CAGE1: variants seen among roughly 807,000 people sequenced by gnomAD.
CAGE1 encodes the protein cancer-associated gene 1 protein.
Under a neutral mutation model 94.9 loss-of-function variants are expected in CAGE1, and 66 were observed. That is an observed-to-expected ratio of 0.70 (90% CI 0.57 to 0.85). The LOEUF (loss-of-function observed/expected upper bound fraction) is 0.85, where lower values mean the gene tolerates loss of function less well. Among genes scored for constraint, CAGE1 ranks in the 40% least tolerant of loss-of-function variants. CAGE1 has a pLI of 0.00. For synonymous variants in CAGE1, 319 were observed against 321.0 expected (o/e 0.99, Z 0.07); for missense variants, 865 against 950.4 (o/e 0.91, Z 1.18).
chr6:7,354,577 A>G (rs905349756), intron 11 of CAGE1, among the ~76,000 whole-genome samples: 1 of 152,226 alleles, frequency 6.6e-6, no homozygotes, highest in Admixed American at 6.5e-5. Context: ...AGAAACAAGT[A>G]TAATGAATAA....
intron 11 of CAGE1, among the ~76,000 whole-genome samples, chr6:7,338,230 C>T (rs2764101): frequency 0.3 from 46,045 of 151,976 alleles, 7,583 homozygotes; most frequent in African/African-American, 0.42. Context: ...TGCATTTTTG[C>T]TTCATGTCCA....
intron 11 of CAGE1, among the ~76,000 whole-genome samples, chr6:7,345,937 A>G (rs910177167): frequency 6.6e-6 from 1 of 152,136 alleles, no homozygotes; most frequent in African/African-American, 2.4e-5. Context: ...AAAAAGAAAA[A>G]TTACAGTATA....
chr6:7,365,426 G>A (rs748334719), intron 9 of CAGE1, 42 bp downstream of exon 9: 3 of 1,485,912 alleles, frequency 2.0e-6, no homozygotes, highest in East Asian at 2.3e-5. Context: ...AAATAATGTT[G>A]TGTATAAAAA....
chr6:7,341,710 T>C (rs1009736870), intron 11 of CAGE1: 3 of 703,244 alleles, frequency 4.3e-6, no homozygotes, highest in Admixed American at 1.8e-5. Context: ...AAAGCCACTA[T>C]AGAAGGGAGC....
rs1204610701 is a variant in CAGE1, at chr6:7,339,064, C to T, written c.2370-4974G>A. Reference sequence around the variant, plus strand: ...AGCAACACATGGCGCACAGCAGTGTCAACGTAGTAGTTAACAGGGTCTCTG... The same window carrying T: ...AGCAACACATGGCGCACAGCAGTGTTAACGTAGTAGTTAACAGGGTCTCTG... On this transcript the variant is annotated intron_variant, in intron 11 of 13. Coordinates refer to ENST00000502583, the MANE Select transcript of CAGE1 (RefSeq NM_001170692.2). The surrounding 1 kb of genome is among the most constrained non-coding windows in gnomAD (Gnocchi z 4.7). The T allele has an allele frequency of 1.3e-5, 21 of 1,603,682 alleles. No homozygotes were observed. The highest frequency in any genetic ancestry group is 7.7e-6 in the Non-Finnish European group (9 of 1,171,696).
chr6:7,343,190 C>CAAAAA (rs769864903), intron 11 of CAGE1, among the ~76,000 whole-genome samples: 35 of 113,496 alleles, frequency 3.1e-4, no homozygotes, highest in Middle Eastern at 4.7e-3. Context: ...CTCTGTCCCA[C>CAAAAA]AAAAAAAAAA....
chr6:7,358,040 A>ATATATATATG (rs1561858095), intron 9 of CAGE1, among the ~76,000 whole-genome samples: 3 of 74,128 alleles, frequency 4.0e-5, no homozygotes, highest in Non-Finnish European at 7.4e-5. Flanking sequence ...ATATATATAT[A>ATATATATATG]TATATATATA....
chr6:7,387,286 G>A, intron 1 of CAGE1, 90 bp from the exon 2 acceptor site: 1 of 667,174 alleles, frequency 1.5e-6, no homozygotes, highest in Non-Finnish European at 2.5e-6. Context: ...AAAGTTCACT[G>A]CCCTTATTTG....
chr6:7,361,771 T>C (rs2113424732), intron 9 of CAGE1, among the ~76,000 whole-genome samples: 1 of 152,288 alleles, frequency 6.6e-6, no homozygotes, highest in East Asian at 1.9e-4. Flanking sequence ...TACTGTAAAA[T>C]GCCAGGATGC....
At chr6:7,340,174 T>C (rs964827018) in intron 11 of CAGE1, among the ~76,000 whole-genome samples, 4 of 152,254 alleles carry the variant, frequency 2.6e-5, no homozygotes, top group Non-Finnish European at 1.5e-5. Context: ...TCATTAGTGA[T>C]GCTGAGCATT....
intron 7 of CAGE1, among the ~76,000 whole-genome samples, chr6:7,368,242 G>C (rs1299031093): frequency 2.8e-5 from 3 of 106,678 alleles, no homozygotes; most frequent in Non-Finnish European, 3.4e-5. Flanking sequence ...AACAGAGCAA[G>C]ACTCTGTCTC....
chr6:7,385,837 A>G lies in CAGE1; in HGVS notation c.231T>C (p.Tyr77=). The G allele has an allele frequency of 1.3e-6, 2 of 1,542,682 alleles. No homozygotes were observed. Among genetic ancestry groups the G allele is most frequent in the Non-Finnish European group, 1.7e-6 (2 of 1,143,756 alleles). Residue 77 remains tyrosine, a synonymous_variant, in exon 3 of 14, where the codon TAT becomes TAC. Coordinates refer to ENST00000502583, the MANE Select transcript of CAGE1 (RefSeq NM_001170692.2). ...EIKNFERENE[Y]ESTLCEDAYG... Reference sequence around the variant, plus strand: ...AAGCATCTTCACAAAGTGTGGATTCATACTCATTTTCCCTTTCAAAATTCT... The same window carrying G: ...AAGCATCTTCACAAAGTGTGGATTCGTACTCATTTTCCCTTTCAAAATTCT...
chr6:7,345,550 G>A (rs1759454767), intron 11 of CAGE1, among the ~76,000 whole-genome samples: 1 of 152,166 alleles, frequency 6.6e-6, no homozygotes, highest in African/African-American at 2.4e-5. Context: ...TCACCAAGTA[G>A]TTTTCTTTCA....
intron 7 of CAGE1, among the ~76,000 whole-genome samples, chr6:7,368,341 T>G (rs992784341): frequency 6.8e-6 from 1 of 146,934 alleles, no homozygotes; most frequent in Non-Finnish European, 1.5e-5. Context: ...ACCTGAGAAA[T>G]AAAATTATTT....
At chr6:7,370,215 T>G (rs1332847333) in intron 5 of CAGE1, 150 bp from the exon 6 acceptor site, 1 of 524,266 alleles carries the variant, frequency 1.9e-6, no homozygotes, top group Non-Finnish European at 3.3e-6. Context: ...AAATTAAAAC[T>G]GAGAATATTT....
chr6:7,341,124 G>GT (rs1759157665), intron 11 of CAGE1: 1 of 559,024 alleles, frequency 1.8e-6, no homozygotes, highest in Admixed American at 2.0e-5. Flanking sequence ...TGATGTACTT[G>GT]TGAGCTTCCC....
intron 12 of CAGE1, among the ~76,000 whole-genome samples, chr6:7,330,197 T>G (rs1249900272): frequency 1.3e-5 from 2 of 152,032 alleles, no homozygotes; most frequent in East Asian, 1.9e-4. Context: ...AGACCAGCCC[T>G]GCCAACATGG....
chr6:7,384,751 G>A (rs1390551916), intron 3 of CAGE1, among the ~76,000 whole-genome samples: 1 of 151,708 alleles, frequency 6.6e-6, no homozygotes, highest in Non-Finnish European at 1.5e-5. Flanking sequence ...TCTCACTATG[G>A]TTGCCCATGC....
Position 7,333,676 on chromosome 6 carries a change from A to ATG in CAGE1, c.2438+345_2438+346insCA, listed in dbSNP as rs1321050187. On this transcript the variant is annotated intron_variant, in intron 12 of 13. Transcript: ENST00000502583. ...TATATATATATATATATATATATAC[A>ATG]TTTTTTTTTTGAGACAGAGTCCCAC... is the stretch of plus-strand genomic sequence containing the variant. Among the ~76,000 whole-genome samples, 95 of 53,636 alleles carry ATG rather than the reference A, an allele frequency of 1.8e-3. 3 individuals are homozygous for ATG. The highest frequency in any genetic ancestry group is 0.01 in the African/African-American group (85 of 8,422). The allele number at this position is 53,636 out of a possible 152,430, so 35.2% of individuals were successfully genotyped here.
Sources: gnomAD v4.1 joint callset for allele counts (sites outside exome capture counted in the v4.1 genomes callset) on GRCh38, gnomAD v4.1.1 for gene constraint, Gnocchi (gnomAD v3.1) non-coding constraint, MANE v1.5 for transcripts, NCBI Gene and HGNC (gene_info 2026-07-23, HGNC 2026-07-21) for gene names.